Variants in B3GALT1 observed in about 807,000 individuals in gnomAD.
B3GALT1 encodes the protein UDP-Gal:betaGlcNAc beta 1,3-galactosyltransferase, polypeptide 1.
In B3GALT1, 10 loss-of-function variants were observed where a neutral mutation model predicts 23.2. That is an observed-to-expected ratio of 0.43 (90% CI 0.27 to 0.73). B3GALT1 has a LOEUF of 0.73. Among genes scored for constraint, B3GALT1 ranks in the 30% least tolerant of loss-of-function variants. B3GALT1 has a pLI of 0.21. For synonymous variants in B3GALT1, 156 were observed against 141.5 expected, an observed-to-expected ratio of 1.10 and a Z score of -0.73; for missense variants, 299 against 405.4, an observed-to-expected ratio of 0.74 and a Z score of 2.25.
chr2:167,527,679 C>T (rs911373721), intron 2 of B3GALT1, among the ~76,000 whole-genome samples: 28 of 152,162 alleles, frequency 1.8e-4, no homozygotes, highest in South Asian at 6.2e-4. Context: ...ACATAATAAT[C>T]GTGTGTACTG....
At chr2:167,356,880 AC>A (rs1323638290) in intron 1 of B3GALT1, among the ~76,000 whole-genome samples, 2 of 151,972 alleles carry the variant, frequency 1.3e-5, no homozygotes, top group Non-Finnish European at 2.9e-5. Flanking sequence ...TTCTTGGTTC[AC>A]GTATAGTCAG....
chr2:167,650,148 C>A (rs1418399088), intron 3 of B3GALT1, among the ~76,000 whole-genome samples: 2 of 151,434 alleles, frequency 1.3e-5, no homozygotes, highest in African/African-American at 4.8e-5. Flanking sequence ...TTTTCAAATA[C>A]TTTCTCTGCA....
intron 3 of B3GALT1, among the ~76,000 whole-genome samples, chr2:167,704,980 A>G (rs147134465): frequency 3.9e-5 from 6 of 152,230 alleles, no homozygotes; most frequent in African/African-American, 1.4e-4. Context: ...AAATTGAGTT[A>G]CTCGCCATAA....
intron 3 of B3GALT1, among the ~76,000 whole-genome samples, chr2:167,669,189 C>G (rs1449358540): frequency 6.6e-6 from 1 of 152,110 alleles, no homozygotes; most frequent in East Asian, 1.9e-4. Flanking sequence ...TTTTTTTCTC[C>G]TCTTATGTCA....
intron 2 of B3GALT1, among the ~76,000 whole-genome samples, chr2:167,611,222 ATTAAT>A: frequency 6.6e-6 from 1 of 152,042 alleles, no homozygotes; most frequent in Non-Finnish European, 1.5e-5. Flanking sequence ...TTTTTAAATT[ATTAAT>A]TTTAATTGAG....
At chr2:167,856,926 A>G (rs1041350345) in intron 4 of B3GALT1, among the ~76,000 whole-genome samples, 1 of 152,182 alleles carries the variant, frequency 6.6e-6, no homozygotes, top group Non-Finnish European at 1.5e-5. Flanking sequence ...AGAGACTAAA[A>G]ACACAGAATA....
intron 1 of B3GALT1, among the ~76,000 whole-genome samples, chr2:167,428,569 T>C (rs1416405515): frequency 6.6e-6 from 1 of 152,010 alleles, no homozygotes. Context: ...TCCCAGCTCC[T>C]TGGGAGGCTG....
chr2:167,408,347 G>T (rs1698340977), intron 1 of B3GALT1, among the ~76,000 whole-genome samples: 1 of 152,054 alleles, frequency 6.6e-6, no homozygotes, highest in Non-Finnish European at 1.5e-5. Flanking sequence ...TCATCAAAAT[G>T]GGTATTGAAG....
intron 2 of B3GALT1, among the ~76,000 whole-genome samples, chr2:167,634,628 C>G (rs973657007): frequency 2.0e-5 from 3 of 152,046 alleles, no homozygotes; most frequent in Non-Finnish European, 4.4e-5. Flanking sequence ...TGGACATATA[C>G]ATCCTTCCAA....
At chr2:167,592,990 G>A (rs1341914155) in intron 2 of B3GALT1, among the ~76,000 whole-genome samples, 1 of 152,138 alleles carries the variant, frequency 6.6e-6, no homozygotes, top group South Asian at 2.1e-4. Context: ...CAGAAGTTGT[G>A]GGGAGGGAGA....
chr2:167,593,670 C>T (rs191279681), intron 2 of B3GALT1, among the ~76,000 whole-genome samples: 1 of 152,252 alleles, frequency 6.6e-6, no homozygotes, highest in African/African-American at 2.4e-5. Context: ...GAACTGAACA[C>T]AGCCATTTGA....
chr2:167,388,370 C>A (rs1697957134), intron 1 of B3GALT1, among the ~76,000 whole-genome samples: 1 of 152,132 alleles, frequency 6.6e-6, no homozygotes, highest in African/African-American at 2.4e-5. Flanking sequence ...TTAAGACAAA[C>A]CATCTGTTCC....
At chr2:167,329,871 A>G (rs960166309) in intron 1 of B3GALT1, among the ~76,000 whole-genome samples, 1 of 151,930 alleles carries the variant, frequency 6.6e-6, no homozygotes, top group African/African-American at 2.4e-5. Flanking sequence ...ATGGCCTGTA[A>G]GGTTTCTGTT....
intron 3 of B3GALT1, among the ~76,000 whole-genome samples, chr2:167,812,315 C>A (rs1406328917): frequency 1.3e-5 from 2 of 152,176 alleles, no homozygotes; most frequent in East Asian, 3.9e-4. Flanking sequence ...TGTACATACG[C>A]CCTGGAATGG....
chr2:167,364,338 A>AT (rs58217518), intron 1 of B3GALT1, among the ~76,000 whole-genome samples: 111,344 of 149,568 alleles, frequency 0.74, 43,234 homozygotes, highest in Non-Finnish European at 0.86. Context: ...ATATATATAT[A>AT]GTTTTTTTTT....
intron 3 of B3GALT1, among the ~76,000 whole-genome samples, chr2:167,785,261 A>G (rs1574261249): frequency 1.3e-5 from 2 of 152,154 alleles, no homozygotes; most frequent in South Asian, 4.2e-4. Context: ...CAGGTGAGGG[A>G]TCTGTGGGAA....
chr2:167,362,447 C>T (rs1464590448), intron 1 of B3GALT1, among the ~76,000 whole-genome samples: 1 of 152,118 alleles, frequency 6.6e-6, no homozygotes, highest in Admixed American at 6.6e-5. Context: ...CTTTATTCCC[C>T]TCCTTTTCCA....
chr2:167,570,618 G>A (rs1395912371), intron 2 of B3GALT1, among the ~76,000 whole-genome samples: 2 of 151,808 alleles, frequency 1.3e-5, no homozygotes, highest in Admixed American at 1.3e-4. Context: ...CATTTTTTTA[G>A]CTTTGTGCTT....
At chr2:167,720,389 T>C (rs1490896318) in intron 3 of B3GALT1, among the ~76,000 whole-genome samples, 1 of 152,194 alleles carries the variant, frequency 6.6e-6, no homozygotes, top group Admixed American at 6.5e-5. Context: ...ACCTACAGCA[T>C]GGCAAACATC....
Sources: allele counts gnomAD v4.1 joint callset (sites outside exome capture counted in the v4.1 genomes callset), GRCh38; gene constraint gnomAD v4.1.1; transcripts MANE v1.5; gene names NCBI Gene and HGNC (gene_info 2026-07-23, HGNC 2026-07-21).